Variants in MTFR1 observed in about 807,000 individuals in gnomAD.
MTFR1 encodes chondrocyte protein with a poly-proline region.
MTFR1 carries 28 observed loss-of-function variants against 38.8 expected under a neutral mutation model. The observed-to-expected ratio is 0.72, with a 90% CI of 0.53 to 0.99. MTFR1 has a LOEUF of 0.99. Among genes scored for constraint, MTFR1 ranks in the 50% least tolerant of loss-of-function variants. The pLI is 0.00. For missense variants in MTFR1, 358 were observed against 395.5 expected (o/e 0.91, Z 0.81); for synonymous variants, 145 against 137.0 (o/e 1.06, Z -0.41).
In MTFR1 at chr8:65,709,402, T is replaced by G; in HGVS notation, c.*358T>G. ...ACACTAATTTATCTGTATAAGTGTT[T>G]TATATGCATATTTTTGGACATAAAC... On this transcript the variant is annotated 3_prime_UTR_variant, in exon 8 of 8. Transcript: ENST00000262146. 5.7e-6 allele frequency: 1 copy of G among 176,178 alleles called. No homozygotes were observed. The highest frequency in any genetic ancestry group is 1.2e-5 in the Non-Finnish European group (1 of 83,076). 10.9% of individuals were successfully genotyped at this position (176,178 alleles called of 1,614,324 possible).
intron 2 of MTFR1, among the ~76,000 whole-genome samples, chr8:65,676,255 C>T (rs1393358438): frequency 6.6e-6 from 1 of 152,210 alleles, no homozygotes; most frequent in African/African-American, 2.4e-5. Context: ...TATGGATGCT[C>T]TTCCCAGAAA....
At position 65,719,410 on chromosome 8, in the gene MTFR1, G is replaced by A. The variant is rs143063031; in HGVS notation, c.412G>A (p.Val138Met). 20 of 1,613,790 alleles carry A rather than the reference G, an allele frequency of 1.2e-5. No individual in the cohort carries two copies. The Middle Eastern group carries it at 4.9e-4, about 40-fold the overall frequency. ...TCCAGCTGGCTTTATTCAGCCCCAC[G>A]TGTCCAAGCATTGTCTGGGATAGCC... The change falls in exon 3 of 4, where the codon GTG becomes ATG. Residue 138 changes from valine (V) to methionine (M), a missense_variant. Physicochemically the swap from Val to Met is conservative, Grantham distance 21. Transcript: ENST00000521247.
At chr8:65,745,516 C>T (rs374695107) in intron 3 of MTFR1, 2 of 1,069,528 alleles carry the variant, frequency 1.9e-6, no homozygotes, top group African/African-American at 3.1e-5. Flanking sequence ...ATTTCAATAA[C>T]ATTGTCTTTT....
chr8:65,733,161 C>A (rs897136345), intron 3 of MTFR1, among the ~76,000 whole-genome samples: 1 of 152,150 alleles, frequency 6.6e-6, no homozygotes, highest in Non-Finnish European at 1.5e-5. Context: ...TAAGTATTAT[C>A]AGAACTCCAC....
intron 3 of MTFR1, among the ~76,000 whole-genome samples, chr8:65,686,188 T>A (rs1422390087): frequency 6.6e-6 from 1 of 152,202 alleles, no homozygotes; most frequent in Non-Finnish European, 1.5e-5. Flanking sequence ...CTGTATATGA[T>A]GTTCATTTTT....
chr8:65,680,067 C>A (rs1039076894), intron 2 of MTFR1, among the ~76,000 whole-genome samples: 5 of 146,184 alleles, frequency 3.4e-5, no homozygotes, highest in African/African-American at 7.6e-5. Flanking sequence ...TTCAGTGAAA[C>A]TTTGGAAAAT....
chr8:65,648,669 C>T (rs970868155), intron 1 of MTFR1, among the ~76,000 whole-genome samples: 2 of 152,098 alleles, frequency 1.3e-5, no homozygotes, highest in Non-Finnish European at 2.9e-5. Context: ...ATAATTTGTA[C>T]AACTGGAGTT....
chr8:65,681,429 T>A (rs1224033542), intron 2 of MTFR1, among the ~76,000 whole-genome samples: 1 of 152,220 alleles, frequency 6.6e-6, no homozygotes, highest in East Asian at 1.9e-4. Context: ...CTTACATAAC[T>A]GAATGTTAAA....
intron 3 of MTFR1, among the ~76,000 whole-genome samples, chr8:65,684,186 T>C (rs901139763): frequency 6.6e-6 from 1 of 152,172 alleles, no homozygotes; most frequent in Non-Finnish European, 1.5e-5. Flanking sequence ...GAATTCTTTT[T>C]CTCGATGTTA....
chr8:65,660,291 C>CAAA (rs1358969347), intron 1 of MTFR1, among the ~76,000 whole-genome samples: 15,861 of 67,034 alleles, frequency 0.24, 1,496 homozygotes, highest in Non-Finnish European at 0.3. Flanking sequence ...AACTCTGTCT[C>CAAA]AAAAAAAAAA....
intron 1 of MTFR1, among the ~76,000 whole-genome samples, chr8:65,655,250 A>G (rs1809224578): frequency 6.6e-6 from 1 of 152,200 alleles, no homozygotes; most frequent in Admixed American, 6.5e-5. Flanking sequence ...TCATAAAGAT[A>G]ACATCTAAAA....
At chr8:65,777,058 T>TA in the MTFR1 span, among the ~76,000 whole-genome samples, 1 of 150,190 alleles carries the variant, frequency 6.7e-6, no homozygotes, top group African/African-American at 2.5e-5. Flanking sequence ...AAAGAACAAA[T>TA]ACTCAATTTT....
At chr8:65,686,540 A>G (rs1054633642) in intron 3 of MTFR1, among the ~76,000 whole-genome samples, 1 of 149,446 alleles carries the variant, frequency 6.7e-6, no homozygotes, top group East Asian at 2.0e-4. Context: ...AGTTCATGCT[A>G]CTGCACTCCA....
downstream of MTFR1, among the ~76,000 whole-genome samples, chr8:65,713,996 T>A (rs1029857971): frequency 2.6e-5 from 4 of 151,942 alleles, no homozygotes; most frequent in Non-Finnish European, 4.4e-5. Flanking sequence ...CCAACAATTT[T>A]AAAAATACAA....
the MTFR1 span, among the ~76,000 whole-genome samples, chr8:65,776,841 T>TC: frequency 2.0e-5 from 3 of 152,198 alleles, no homozygotes; most frequent in Admixed American, 1.3e-4. Flanking sequence ...CTTATACTTT[T>TC]CATTTCTTTT....
At chr8:65,666,209 C>T (rs1325228401) in intron 1 of MTFR1, among the ~76,000 whole-genome samples, 1 of 152,166 alleles carries the variant, frequency 6.6e-6, no homozygotes, top group Non-Finnish European at 1.5e-5. Flanking sequence ...GTGTTTGAGA[C>T]CAGCCTGGCC....
chr8:65,713,677 A>C (rs1364130553), downstream of MTFR1, among the ~76,000 whole-genome samples: 1 of 152,144 alleles, frequency 6.6e-6, no homozygotes, highest in Non-Finnish European at 1.5e-5. Flanking sequence ...AAGTAACTTT[A>C]TCGGTCATAG....
intron 1 of MTFR1, among the ~76,000 whole-genome samples, chr8:65,669,248 G>A (rs1232206173): frequency 6.6e-6 from 1 of 152,190 alleles, no homozygotes; most frequent in African/African-American, 2.4e-5. Flanking sequence ...AGGAGGAACT[G>A]CGTGGACCCT....
intron 3 of MTFR1, among the ~76,000 whole-genome samples, chr8:65,749,618 T>C (rs1207911103): frequency 2.0e-5 from 3 of 152,234 alleles, no homozygotes; most frequent in Non-Finnish European, 2.9e-5. Flanking sequence ...ATGTTCCAAG[T>C]GCTTTGTAAA....
Sources: gnomAD v4.1 joint callset for allele counts (sites outside exome capture counted in the v4.1 genomes callset) on GRCh38, gnomAD v4.1.1 for gene constraint, MANE v1.5 for transcripts, NCBI Gene and HGNC (gene_info 2026-07-23, HGNC 2026-07-21) for gene names.